ADA: variants seen among roughly 807,000 people sequenced by gnomAD.
The protein encoded by ADA is adenosine deaminase.
In ADA, 45 loss-of-function variants were observed where a neutral mutation model predicts 49.0. The ratio of observed to expected loss-of-function variants is 0.92; its 90% CI spans 0.72 to 1.18. The LOEUF (loss-of-function observed/expected upper bound fraction) is 1.18. Ranked by LOEUF, ADA falls within the 50% of genes most tolerant of loss-of-function variation. The pLI is 0.00. For missense variants in ADA, 445 were observed against 472.5 expected (o/e 0.94, Z 0.54); for synonymous variants, 173 against 184.2 (o/e 0.94, Z 0.49).
intron 1 of ADA, among the ~76,000 whole-genome samples, chr20:44,643,855 C>T (rs1015039549): frequency 2.0e-5 from 3 of 152,192 alleles, no homozygotes; most frequent in African/African-American, 7.2e-5. Context: ...CTAAGCCCCA[C>T]TATGTGCCAG....
chr20:44,635,455 A>C (rs1275432610), intron 2 of ADA, among the ~76,000 whole-genome samples: 6 of 152,206 alleles, frequency 3.9e-5, no homozygotes, highest in African/African-American at 1.4e-4. Context: ...TTCCCTCCTC[A>C]GTAAAATGCA....
chr20:44,644,454 T>TGGGACCTGGCA (rs1342071432), intron 1 of ADA, among the ~76,000 whole-genome samples: 1 of 152,138 alleles, frequency 6.6e-6, no homozygotes, highest in Non-Finnish European at 1.5e-5. Flanking sequence ...CCTGCCCCCA[T>TGGGACCTGGCA]GGGACCTGGC....
intron 1 of ADA, among the ~76,000 whole-genome samples, chr20:44,647,900 G>A (rs1380137943): frequency 1.3e-5 from 2 of 152,086 alleles, no homozygotes; most frequent in African/African-American, 2.4e-5. Flanking sequence ...CTGGGCAACA[G>A]AGTGAGACTG....
intron 1 of ADA, among the ~76,000 whole-genome samples, chr20:44,636,495 G>A (rs1460689274): frequency 6.6e-6 from 1 of 152,180 alleles, no homozygotes; most frequent in Non-Finnish European, 1.5e-5. Flanking sequence ...TGTGGGTTCA[G>A]CTGTTATCTC....
chr20:44,622,707 C>A (rs570514588), intron 8 of ADA, 55 bp from the exon 9 acceptor site: 4 of 1,612,646 alleles, frequency 2.5e-6, no homozygotes, highest in Admixed American at 3.3e-5. Context: ...GCTGATTCCT[C>A]CCCCCATGTC....
chr20:44,634,214 C>T (rs903029421), intron 2 of ADA, among the ~76,000 whole-genome samples: 5 of 152,256 alleles, frequency 3.3e-5, no homozygotes, highest in Non-Finnish European at 5.9e-5. Context: ...CACTGAACGA[C>T]CTCATTAGGG....
intron 1 of ADA, among the ~76,000 whole-genome samples, chr20:44,637,954 G>A (rs142638781): frequency 4.1e-4 from 63 of 152,254 alleles, no homozygotes; most frequent in African/African-American, 1.5e-3. Flanking sequence ...CCAGGGAACG[G>A]CCAACCAGCT....
At chr20:44,641,640 C>G (rs1467233695) in intron 1 of ADA, among the ~76,000 whole-genome samples, 1 of 152,032 alleles carries the variant, frequency 6.6e-6, no homozygotes, top group Non-Finnish European at 1.5e-5. Context: ...GCCTTGGAGC[C>G]CCTGAGAACA....
chr20:44,639,537 C>A (rs1011294403), intron 1 of ADA, among the ~76,000 whole-genome samples: 2 of 152,006 alleles, frequency 1.3e-5, no homozygotes, highest in African/African-American at 4.8e-5. Flanking sequence ...CTCAGCCTCC[C>A]GAGTAGTTGG....
At chr20:44,632,073 CCCT>C (rs1289977367) in intron 2 of ADA, among the ~76,000 whole-genome samples, 7 of 152,310 alleles carry the variant, frequency 4.6e-5, no homozygotes, top group African/African-American at 7.2e-5. Context: ...TCTCCAGCCT[CCCT>C]CCTCAACAAC....
At chr20:44,624,068 C>T in intron 6 of ADA, 134 bp downstream of exon 6, 2 of 1,336,926 alleles carry the variant, frequency 1.5e-6, no homozygotes, top group African/African-American at 2.9e-5. Context: ...AGTTCCAAGC[C>T]TTAAGACCCA....
rs115910659 is a variant in ADA at position 44,643,801 on chromosome 20, G to A, written c.34-7513C>T. The stretch of plus-strand genomic sequence containing the variant: ...CTGAACAGCAGGAAATCCTCCCAGC[G>A]CTGATGTGAACAGGAAGCATCCTCA... On this transcript the variant is annotated intron_variant, in intron 1 of 11. Transcript: ENST00000372874. Among the ~76,000 whole-genome samples the A allele has an allele frequency of 3.6e-3, 552 of 152,304 alleles. 2 individuals are homozygous for A. Among genetic ancestry groups the A allele is most frequent in the African/African-American group, 0.012 (500 of 41,572 alleles).
chr20:44,622,943 A>C lies in ADA; in HGVS notation c.679-13T>G. On this transcript the variant is annotated splice_polypyrimidine_tract_variant and intron_variant, in intron 7 of 11. Coordinates refer to ENST00000372874, the MANE Select transcript of ADA (RefSeq NM_000022.4). The stretch of plus-strand genomic sequence containing the variant: ...GTATGTCCACAGCCTGTAGAGAAGC[A>C]GAATAGAGCCAAGTATGGGAGGAGG... 6.2e-7 allele frequency: 1 copy of C among 1,614,240 alleles called. No homozygotes were observed. The highest frequency in any genetic ancestry group is 8.5e-7 in the Non-Finnish European group (1 of 1,180,044).
chr20:44,629,048 C>T lies in ADA; in HGVS notation c.217G>A (p.Ala73Thr), dbSNP rs921477673. The change falls in exon 3 of 12, where the codon GCG (alanine) becomes ACG (threonine). Residue 73 changes from alanine to threonine, a missense_variant and splice_region_variant. Ala to Thr is a moderately conservative substitution (Grantham distance 58). Coordinates refer to ENST00000372874, the MANE Select transcript of ADA (RefSeq NM_000022.4). ...ACCTGTGGGTTGGGGGCAACTCACG[C>T]GATAGCAGGCATGTAGTAGTCAAAC... ...AKFDYYMPAIAGCREAIKRIA... is the reference protein window; with the variant it reads ...AKFDYYMPAITGCREAIKRIA... 6.8e-6 allele frequency: 11 copies of T among 1,614,036 alleles called. No homozygotes were observed. Among genetic ancestry groups the T allele is most frequent in the East Asian group, 2.2e-5 (1 of 44,886 alleles).
intron 2 of ADA, among the ~76,000 whole-genome samples, chr20:44,634,477 C>T (rs569952090): frequency 5.3e-5 from 8 of 152,354 alleles, no homozygotes; most frequent in South Asian, 2.1e-4. Flanking sequence ...TTCAAACCTC[C>T]GCCCTGTGCT....
At chr20:44,638,838 A>T (rs2065505125) in intron 1 of ADA, among the ~76,000 whole-genome samples, 1 of 152,234 alleles carries the variant, frequency 6.6e-6, no homozygotes. Flanking sequence ...GCCAACAATG[A>T]GCCTGAGCGA....
intron 2 of ADA, 136 bp from the exon 3 acceptor site, chr20:44,629,305 A>C: frequency 7.6e-7 from 1 of 1,323,326 alleles, no homozygotes; most frequent in African/African-American, 1.4e-5. Flanking sequence ...CTCTCAGTCC[A>C]GCTGCTCCCA....
At chr20:44,636,370 T>C in intron 1 of ADA, 82 bp from the exon 2 acceptor site, 1 of 1,208,564 alleles carries the variant, frequency 8.3e-7, no homozygotes, top group East Asian at 2.5e-5. Flanking sequence ...CTTTCAGAGC[T>C]TAATGTTAAC....
intron 1 of ADA, among the ~76,000 whole-genome samples, chr20:44,648,634 A>G (rs2065614926): frequency 6.6e-6 from 1 of 152,042 alleles, no homozygotes; most frequent in African/African-American, 2.4e-5. Flanking sequence ...CTAAGCCCCC[A>G]GTAAAACCCC....
Sources: gnomAD v4.1 joint callset for allele counts (sites outside exome capture counted in the v4.1 genomes callset) on GRCh38, gnomAD v4.1.1 for gene constraint, MANE v1.5 for transcripts, NCBI Gene and HGNC (gene_info 2026-07-23, HGNC 2026-07-21) for gene names.